Variants in ZBTB1 observed in about 807,000 individuals in gnomAD.
ZBTB1 encodes the protein zinc finger and BTB domain containing 1, also known as zinc finger and BTB domain-containing protein 1.
Under a neutral mutation model 51.6 loss-of-function variants are expected in ZBTB1, and 13 were observed. That is an observed-to-expected ratio of 0.25 (90% CI 0.16 to 0.40). The LOEUF (loss-of-function observed/expected upper bound fraction) is 0.40. Among genes scored for constraint, ZBTB1 ranks in the 10% least tolerant of loss-of-function variants. ZBTB1 has a pLI of 1.00. For synonymous variants in ZBTB1, 240 were observed against 282.2 expected (o/e 0.85, Z 1.50); for missense variants, 567 against 856.5 (o/e 0.66, Z 4.22).
chr14:64,520,332 T>G lies in ZBTB1; in HGVS notation c.-18-1155T>G, dbSNP rs144077463. Among the ~76,000 whole-genome samples the G allele has an allele frequency of 5.3e-5, 8 of 152,218 alleles. 1 individual carries two copies. The highest frequency in any genetic ancestry group is 1.9e-4 in the African/African-American group (8 of 41,524). On this transcript the variant is annotated intron_variant, in intron 1 of 1. Coordinates refer to ENST00000683701, the MANE Select transcript of ZBTB1 (RefSeq NM_001123329.2). ...TAAGGTTTTTTTAAATTTTTATTTT[T>G]GGGATAGAGTCTCACTCTGTCACAC...
intron 1 of ZBTB1, among the ~76,000 whole-genome samples, chr14:64,507,738 T>C (rs1053811888): frequency 2.0e-5 from 3 of 152,264 alleles, no homozygotes; most frequent in Non-Finnish European, 4.4e-5. Context: ...CATGGTGGGC[T>C]ATTTTTCATA....
chr14:64,525,583 T>C (rs1340649474), downstream of ZBTB1, among the ~76,000 whole-genome samples: 1 of 152,144 alleles, frequency 6.6e-6, no homozygotes, highest in Non-Finnish European at 1.5e-5. Context: ...TCGTGACTCA[T>C]CAAAATTTTT....
At chr14:64,532,032 AG>A in exon 3 of ZBTB1, 1 of 1,071,952 alleles carries the variant, frequency 9.3e-7, no homozygotes, top group Non-Finnish European at 1.3e-6. Flanking sequence ...CAACCCAAAA[AG>A]TTCCAGTTGC....
At chr14:64,507,723 T>G (rs1018149960) in intron 1 of ZBTB1, among the ~76,000 whole-genome samples, 9 of 152,242 alleles carry the variant, frequency 5.9e-5, no homozygotes, top group Non-Finnish European at 1.0e-4. Context: ...AAATACTTAC[T>G]GTATCATGGT....
chr14:64,506,591 A>G (rs1050743103), intron 1 of ZBTB1, among the ~76,000 whole-genome samples: 6 of 152,234 alleles, frequency 3.9e-5, no homozygotes, highest in Non-Finnish European at 5.9e-5. Context: ...TAGAGGTGAA[A>G]TGCTTTTCCA....
Position 64,522,265 on chromosome 14 carries a change from TAG to T in ZBTB1, c.763_764del (p.Asp255TyrfsTer2), listed in dbSNP as rs772218222. ...AACACAAGATCTTACCATAGAATAG[TAG>T]ATATTAGAGATGGAAAAGACAGTAA... On this transcript the variant is annotated frameshift_variant, in exon 2 of 2. Transcript: ENST00000683701. LOFTEE classifies it high-confidence loss of function. 6.2e-7 allele frequency: 1 copy of T among 1,614,176 alleles called. No individual in the cohort carries two copies. The highest frequency in any genetic ancestry group is 2.2e-5 in the East Asian group (1 of 44,888).
chr14:64,518,834 CTACACTAAAAA>C (rs2079824566), intron 1 of ZBTB1, among the ~76,000 whole-genome samples: 1 of 147,404 alleles, frequency 6.8e-6, no homozygotes, highest in South Asian at 2.1e-4. Flanking sequence ...AGTCAGCTCC[CTACACTAAAAA>C]TACTTAAATG....
At chr14:64,515,850 A>T (rs1453850818) in intron 1 of ZBTB1, among the ~76,000 whole-genome samples, 1 of 152,168 alleles carries the variant, frequency 6.6e-6, no homozygotes, top group African/African-American at 2.4e-5. Flanking sequence ...ATTATCTTCA[A>T]GAGATAAGCT....
intron 1 of ZBTB1, among the ~76,000 whole-genome samples, chr14:64,519,502 AC>A (rs1461308252): frequency 9.3e-5 from 14 of 150,206 alleles, no homozygotes; most frequent in Admixed American, 9.3e-4. Context: ...AGTGGCTCAC[AC>A]CCACAATCCC....
chr14:64,530,093 C>G (rs1256273746), intron 2 of ZBTB1, among the ~76,000 whole-genome samples: 2 of 152,148 alleles, frequency 1.3e-5, no homozygotes. Context: ...AACAATCTCC[C>G]TCAATCTAAT....
At chr14:64,526,075 C>T (rs2079901516), downstream of ZBTB1, among the ~76,000 whole-genome samples, 3 of 152,190 alleles carry the variant, frequency 2.0e-5, no homozygotes, top group Admixed American at 1.3e-4. Flanking sequence ...GCTTCAGCCT[C>T]CCAAAGTGCT....
Position 64,522,682 on chromosome 14 carries a change from C to G in ZBTB1, c.1178C>G (p.Ser393Ter). The change falls in exon 2 of 2, where the codon TCA becomes TGA. Residue 393 changes from serine to a stop codon, truncating the protein, a stop_gained. Transcript: ENST00000683701. LOFTEE classifies it high-confidence loss of function. ...SGRKTLKPRM[S>*]VSADERGGLE... ...AGGAAAACTCTAAAACCTCGAATGT[C>G]AGTAAGTGCTGATGAAAGAGGTGGT... 6.2e-7 allele frequency: 1 copy of G among 1,614,150 alleles called. No homozygotes were observed. The highest frequency in any genetic ancestry group is 1.1e-5 in the South Asian group (1 of 91,074).
chr14:64,516,069 C>CA (rs1408612660), intron 1 of ZBTB1, among the ~76,000 whole-genome samples: 1 of 151,974 alleles, frequency 6.6e-6, no homozygotes, highest in Non-Finnish European at 1.5e-5. Context: ...CTCATCACTA[C>CA]AAAAAATATA....
intron 1 of ZBTB1, among the ~76,000 whole-genome samples, chr14:64,509,762 G>A (rs554110629): frequency 5.6e-4 from 85 of 151,918 alleles, no homozygotes; most frequent in African/African-American, 1.9e-3. Context: ...ACGAGGTCAG[G>A]AGATTGAGAC....
Position 64,524,156 on chromosome 14 carries a change from A to C in ZBTB1, c.*510A>C, listed in dbSNP as rs2079885641. 1 of 985,132 alleles carries C rather than the reference A, an allele frequency of 1.0e-6. No individual in the cohort carries two copies. 61.0% of individuals were successfully genotyped at this position (985,132 alleles called of 1,614,324 possible). A position where few individuals can be genotyped will look rare whatever the true frequency, so the allele number is the denominator to read the frequency against. On this transcript the variant is annotated 3_prime_UTR_variant, in exon 2 of 2. Transcript: ENST00000683701. ...TGAAATTCATATTCTTAAATTGACA[A>C]GCTTATTAGGCAAGTTAGGTGCACT...
intron 1 of ZBTB1, among the ~76,000 whole-genome samples, chr14:64,514,936 A>G (rs910536386): frequency 6.6e-6 from 1 of 152,228 alleles, no homozygotes; most frequent in Non-Finnish European, 1.5e-5. Context: ...TTTGCCTTCT[A>G]TGGAATAAGA....
chr14:64,520,204 T>G (rs1049961467), intron 1 of ZBTB1, among the ~76,000 whole-genome samples: 19 of 152,090 alleles, frequency 1.2e-4, no homozygotes, highest in Admixed American at 1.1e-3. Context: ...AAGGTTTCAC[T>G]GTGTTAGCCA....
Position 64,504,829 on chromosome 14 carries a change from A to AGCGCCGC in ZBTB1, c.-128_-122dup, listed in dbSNP as rs1405994958. ...TCCGCGCAGCCCAGCCCGAGCGCCG[A>AGCGCCGC]GCGCCGCGCGCCGCCGCCACTGCAG... On this transcript the variant is annotated 5_prime_UTR_variant, in exon 1 of 2. Coordinates refer to ENST00000683701, the MANE Select transcript of ZBTB1 (RefSeq NM_001123329.2). 4 of 391,508 alleles carry AGCGCCGC rather than the reference A, an allele frequency of 1.0e-5. No homozygotes were observed. Among genetic ancestry groups the AGCGCCGC allele is most frequent in the South Asian group, 1.3e-4 (1 of 7,804 alleles). 24.3% of individuals were successfully genotyped at this position (391,508 alleles called of 1,614,324 possible).
At position 64,522,752 on chromosome 14, in the gene ZBTB1, G is replaced by A; in HGVS notation, c.1248G>A (p.Glu416=). ...CTAACAACAGCAGTCCAGTACAAGAGGATGCTGAAAATGCATCTTGTGAGC... is the reference window on the plus strand; with the variant it reads ...CTAACAACAGCAGTCCAGTACAAGAAGATGCTGAAAATGCATCTTGTGAGC... ...RPPNNSSPVQ[E]DAENASCELC... The change falls in exon 2 of 2, where the codon GAG becomes GAA. Residue 416 remains glutamate, a synonymous_variant. Transcript: ENST00000683701. 1 of 1,614,168 alleles carries A rather than the reference G, an allele frequency of 6.2e-7. No homozygotes were observed. Among genetic ancestry groups the A allele is most frequent in the Non-Finnish European group, 8.5e-7 (1 of 1,180,008 alleles).
Sources: gnomAD v4.1 joint callset for allele counts (sites outside exome capture counted in the v4.1 genomes callset) on GRCh38, gnomAD v4.1.1 for gene constraint, MANE v1.5 for transcripts, NCBI Gene and HGNC (gene_info 2026-07-23, HGNC 2026-07-21) for gene names.